Variants in RBFOX1 observed in about 807,000 individuals in gnomAD.
RBFOX1 encodes the protein RNA binding fox-1 homolog 1, also known as RNA binding protein fox-1 homolog 1.
A neutral mutation model predicts 57.7 loss-of-function variants in RBFOX1; 8 were observed. That is an observed-to-expected ratio of 0.14 (90% confidence interval 0.08 to 0.25). The LOEUF is 0.25. RBFOX1 is among the 10% of genes least tolerant of loss of function. The pLI is 1.00. For synonymous variants in RBFOX1, 326 were observed against 222.4 expected, an observed-to-expected ratio of 1.47 and a Z score of -4.15; for missense variants, 611 against 548.5, an observed-to-expected ratio of 1.11 and a Z score of -1.14.
chr16:7,034,398 GCA>G (rs1205341899), intron 3 of RBFOX1, among the ~76,000 whole-genome samples: 1 of 152,084 alleles, frequency 6.6e-6, no homozygotes, highest in Non-Finnish European at 1.5e-5. Context: ...GATCATCAAT[GCA>G]CCAGGGGTCT....
intron 4 of RBFOX1, among the ~76,000 whole-genome samples, chr16:7,497,764 G>A (rs2069170775): frequency 6.6e-6 from 1 of 152,186 alleles, no homozygotes; most frequent in African/African-American, 2.4e-5. Flanking sequence ...CAAATTCAAT[G>A]GATAACCTTG....
intron 4 of RBFOX1, among the ~76,000 whole-genome samples, chr16:5,968,000 C>G (rs191309806): frequency 5.6e-4 from 86 of 152,288 alleles, no homozygotes; most frequent in African/African-American, 2.0e-3. Context: ...AACCCTCAGT[C>G]TTAGTTCTAC....
intron 4 of RBFOX1, among the ~76,000 whole-genome samples, chr16:7,182,934 C>G (rs1175258620): frequency 6.6e-6 from 1 of 152,200 alleles, no homozygotes; most frequent in Non-Finnish European, 1.5e-5. Context: ...ATCTTATTTT[C>G]TTTGTTGCTT....
At chr16:7,707,551 C>CCAGTGAGTGTCT (rs1409062004) in intron 14 of RBFOX1, among the ~76,000 whole-genome samples, 1 of 152,106 alleles carries the variant, frequency 6.6e-6, no homozygotes, top group Non-Finnish European at 1.5e-5. Context: ...GATGTCGATC[C>CCAGTGAGTGTCT]CAGTGAGTGT....
chr16:5,655,637 C>G (rs909861510), intron 3 of RBFOX1, among the ~76,000 whole-genome samples: 1 of 152,158 alleles, frequency 6.6e-6, no homozygotes, highest in East Asian at 1.9e-4. Flanking sequence ...CCCTGTGTGT[C>G]TTTGTTCAAG....
intron 3 of RBFOX1, among the ~76,000 whole-genome samples, chr16:6,780,834 A>G (rs1603622669): frequency 6.6e-6 from 1 of 151,168 alleles, no homozygotes; most frequent in South Asian, 2.1e-4. Flanking sequence ...TTTTATTTGG[A>G]TTATTTGGGT....
intron 10 of RBFOX1, among the ~76,000 whole-genome samples, chr16:7,612,409 T>C (rs2057688503): frequency 6.7e-6 from 1 of 149,332 alleles, no homozygotes; most frequent in African/African-American, 2.5e-5. Flanking sequence ...CTTTGGCCAA[T>C]GTGTATGGCC....
chr16:7,132,496 G>C (rs1037942677), intron 4 of RBFOX1, among the ~76,000 whole-genome samples: 1 of 142,780 alleles, frequency 7.0e-6, no homozygotes, highest in African/African-American at 2.6e-5. Context: ...ACTTTATCTT[G>C]AATAACATAA....
chr16:7,373,327 A>G (rs922935711), intron 4 of RBFOX1, among the ~76,000 whole-genome samples: 16 of 152,178 alleles, frequency 1.1e-4, no homozygotes, highest in South Asian at 2.1e-4. Context: ...AAAGATCACA[A>G]TACATGTTAT....
intron 4 of RBFOX1, among the ~76,000 whole-genome samples, chr16:7,506,480 T>C (rs901980794): frequency 1.3e-5 from 2 of 152,114 alleles, no homozygotes. Flanking sequence ...GTATGCTTGG[T>C]GCTTAGAACA....
intron 1 of RBFOX1, among the ~76,000 whole-genome samples, chr16:5,464,553 CCTT>C (rs1441765320): frequency 2.0e-5 from 3 of 152,196 alleles, no homozygotes; most frequent in Non-Finnish European, 2.9e-5. Context: ...TGCATCATCT[CCTT>C]CTCCTTCAGA....
intron 3 of RBFOX1, among the ~76,000 whole-genome samples, chr16:5,765,899 G>A (rs1435130472): frequency 6.6e-6 from 1 of 152,224 alleles, no homozygotes; most frequent in Non-Finnish European, 1.5e-5. Context: ...TTGGTTGTCA[G>A]TGAGGTATCT....
At chr16:6,916,651 A>T (rs1227820521) in intron 3 of RBFOX1, among the ~76,000 whole-genome samples, 2 of 152,124 alleles carry the variant, frequency 1.3e-5, no homozygotes, top group African/African-American at 4.8e-5. Context: ...CTGGATGGTC[A>T]TCACGACCTT....
At chr16:5,374,868 T>C (rs1157249708) in intron 1 of RBFOX1, among the ~76,000 whole-genome samples, 2 of 152,042 alleles carry the variant, frequency 1.3e-5, no homozygotes, top group Non-Finnish European at 2.9e-5. Flanking sequence ...TTCTCTCTTA[T>C]CATGTAAGTA....
In RBFOX1 at chr16:6,427,063, T is replaced by C. The variant is rs577733733; in HGVS notation, c.-64+110006T>C. Among the ~76,000 whole-genome samples, 10 of 152,272 alleles carry C rather than the reference T, an allele frequency of 6.6e-5. No individual in the cohort carries two copies. The East Asian group carries it at 1.4e-3, about 21-fold the overall frequency. ...TATTATAGATTAGCCCTGCTGATAT[T>C]ATGAGGTAGGGAAGGGTTGATATGC... On this transcript the variant is annotated intron_variant, in intron 2 of 15. Coordinates refer to ENST00000550418, the MANE Select transcript of RBFOX1 (RefSeq NM_018723.4).
At chr16:5,394,177 C>T (rs1339928789) in intron 1 of RBFOX1, among the ~76,000 whole-genome samples, 1 of 152,090 alleles carries the variant, frequency 6.6e-6, no homozygotes, top group Non-Finnish European at 1.5e-5. Flanking sequence ...GCATGCACTA[C>T]CGTACCCGGC....
chr16:5,753,642 G>C (rs527417491), intron 3 of RBFOX1, among the ~76,000 whole-genome samples: 2 of 152,282 alleles, frequency 1.3e-5, no homozygotes, highest in East Asian at 3.9e-4. Context: ...TTGGCAGCTA[G>C]AAATTGGCCA....
At chr16:6,352,027 T>C (rs1031385525) in intron 2 of RBFOX1, among the ~76,000 whole-genome samples, 1 of 152,170 alleles carries the variant, frequency 6.6e-6, no homozygotes, top group African/African-American at 2.4e-5. Context: ...TTTTCAGTGC[T>C]TTTTTCTGTC....
At chr16:7,161,492 T>A (rs1166593253) in intron 4 of RBFOX1, among the ~76,000 whole-genome samples, 1 of 152,172 alleles carries the variant, frequency 6.6e-6, no homozygotes, top group East Asian at 1.9e-4. Flanking sequence ...TCTTCACTCT[T>A]AGGGGTTAGG....
Sources: gnomAD v4.1 joint callset for allele counts (sites outside exome capture counted in the v4.1 genomes callset) on GRCh38, gnomAD v4.1.1 for gene constraint, MANE v1.5 for transcripts, NCBI Gene and HGNC (gene_info 2026-07-23, HGNC 2026-07-21) for gene names.